C1QTNF7: variants seen among roughly 807,000 people sequenced by gnomAD.
C1QTNF7 encodes the protein complement C1q tumor necrosis factor-related protein 7.
Under a neutral mutation model 19.6 loss-of-function variants are expected in C1QTNF7, and 15 were observed. The observed-to-expected ratio is 0.76, with a 90% CI of 0.51 to 1.18. The LOEUF (loss-of-function observed/expected upper bound fraction) is 1.18. Ranked by LOEUF, C1QTNF7 falls within the 50% of genes most tolerant of loss-of-function variation. C1QTNF7 has a pLI of 0.00. For synonymous variants in C1QTNF7, 142 were observed against 137.5 expected, an observed-to-expected ratio of 1.03 and a Z score of -0.23; for missense variants, 324 against 359.7, an observed-to-expected ratio of 0.90 and a Z score of 0.80.
chr4:15,420,977 T>C lies in C1QTNF7; in HGVS notation c.14-14759T>C, dbSNP rs143881940. On this transcript the variant is annotated intron_variant, in intron 1 of 2. Coordinates refer to the C1QTNF7 transcript ENST00000295297. Reference sequence around the variant, plus strand: ...TGTTTTGGCTGGAAGTGAATATGTATGCAAGAGGCACCACCTGCCGCTAAA... The same window carrying C: ...TGTTTTGGCTGGAAGTGAATATGTACGCAAGAGGCACCACCTGCCGCTAAA... Among the ~76,000 whole-genome samples, 130 of 152,012 alleles carry C rather than the reference T, an allele frequency of 8.6e-4. 1 individual carries two copies. Among genetic ancestry groups the C allele is most frequent in the African/African-American group, 3.0e-3 (125 of 41,450 alleles).
intron 1 of C1QTNF7, among the ~76,000 whole-genome samples, chr4:15,364,768 G>C (rs955685572): frequency 6.6e-6 from 1 of 152,104 alleles, no homozygotes; most frequent in Non-Finnish European, 1.5e-5. Context: ...TCATCCCATT[G>C]CATCAGTGGG....
At chr4:15,359,800 G>A (rs987640916) in intron 1 of C1QTNF7, among the ~76,000 whole-genome samples, 3 of 152,160 alleles carry the variant, frequency 2.0e-5, no homozygotes, top group African/African-American at 7.2e-5. Context: ...CTGATTTCCA[G>A]TTCCAGGAAT....
At chr4:15,378,772 G>T (rs1718037258) in intron 1 of C1QTNF7, among the ~76,000 whole-genome samples, 1 of 152,148 alleles carries the variant, frequency 6.6e-6, no homozygotes, top group Non-Finnish European at 1.5e-5. Flanking sequence ...TATTAGCCAA[G>T]AACTAATAGA....
chr4:15,430,193 G>A (rs13129124), intron 1 of C1QTNF7, among the ~76,000 whole-genome samples: 39,396 of 152,120 alleles, frequency 0.26, 6,126 homozygotes, highest in East Asian at 0.37. Flanking sequence ...TTTTAAATGT[G>A]TTTTAAAAAC....
chr4:15,392,606 CT>C (rs1718609054), intron 1 of C1QTNF7, among the ~76,000 whole-genome samples: 1 of 152,222 alleles, frequency 6.6e-6, no homozygotes, highest in Non-Finnish European at 1.5e-5. Flanking sequence ...CCTCACTTCT[CT>C]TTGCGTGGAA....
At chr4:15,381,469 A>G (rs1419860015) in intron 1 of C1QTNF7, among the ~76,000 whole-genome samples, 1 of 152,040 alleles carries the variant, frequency 6.6e-6, no homozygotes, top group African/African-American at 2.4e-5. Context: ...TTAAAAAGTG[A>G]AAAGGGGAAG....
chr4:15,340,784 G>A (rs1716510869), intron 1 of C1QTNF7, among the ~76,000 whole-genome samples: 1 of 152,060 alleles, frequency 6.6e-6, no homozygotes, highest in Non-Finnish European at 1.5e-5. Context: ...ATATATCCTG[G>A]GAGAAGGAAA....
intron 1 of C1QTNF7, among the ~76,000 whole-genome samples, chr4:15,405,050 T>A (rs953329728): frequency 6.6e-6 from 1 of 152,174 alleles, no homozygotes; most frequent in Non-Finnish European, 1.5e-5. Flanking sequence ...AATGCTTTAG[T>A]TGCATGCAAC....
intron 1 of C1QTNF7, among the ~76,000 whole-genome samples, chr4:15,406,277 G>C (rs1719192533): frequency 6.6e-6 from 1 of 152,176 alleles, no homozygotes; most frequent in Non-Finnish European, 1.5e-5. Flanking sequence ...TCTGTTGAAT[G>C]AGTGAGAGTA....
intron 1 of C1QTNF7, among the ~76,000 whole-genome samples, chr4:15,367,897 T>A (rs528641752): frequency 1.3e-5 from 2 of 152,316 alleles, no homozygotes; most frequent in South Asian, 2.1e-4. Flanking sequence ...ATAATTTACA[T>A]ACAGTAAAAG....
Position 15,414,831 on chromosome 4 carries a change from T to G in C1QTNF7, c.14-20905T>G, listed in dbSNP as rs138374586. On this transcript the variant is annotated intron_variant, in intron 1 of 2. Coordinates refer to the C1QTNF7 transcript ENST00000295297. ...AATGTTTTCATGAACTCACAAAATG[T>G]GTTAGTCATAGCCATCATAGAGTTC... is the stretch of plus-strand genomic sequence containing the variant. Among the ~76,000 whole-genome samples, 6 of 152,260 alleles carry G rather than the reference T, an allele frequency of 3.9e-5. No homozygotes were observed. The East Asian group carries it at 1.2e-3, about 29-fold the overall frequency.
intron 1 of C1QTNF7, among the ~76,000 whole-genome samples, chr4:15,359,835 T>G (rs891341403): frequency 6.6e-6 from 1 of 152,288 alleles, no homozygotes; most frequent in Admixed American, 6.5e-5. Context: ...CTCCTTTCCC[T>G]TCTGAAGCAT....
At chr4:15,348,022 C>T (rs1443192070) in intron 1 of C1QTNF7, among the ~76,000 whole-genome samples, 1 of 152,100 alleles carries the variant, frequency 6.6e-6, no homozygotes, top group Non-Finnish European at 1.5e-5. Context: ...TATATATCTG[C>T]TCCACTGGAC....
intron 1 of C1QTNF7, among the ~76,000 whole-genome samples, chr4:15,385,485 G>C (rs1279860853): frequency 6.6e-6 from 1 of 152,212 alleles, no homozygotes; most frequent in Non-Finnish European, 1.5e-5. Context: ...ACTGTGCTTG[G>C]TTTGTTTCAG....
At chr4:15,422,515 T>C (rs1464115332) in intron 1 of C1QTNF7, among the ~76,000 whole-genome samples, 2 of 152,208 alleles carry the variant, frequency 1.3e-5, no homozygotes, top group African/African-American at 4.8e-5. Context: ...TTATTTCCTG[T>C]CCATTCAATG....
chr4:15,441,324 A>G (rs1712748769), intron 2 of C1QTNF7, among the ~76,000 whole-genome samples: 1 of 152,264 alleles, frequency 6.6e-6, no homozygotes, highest in Non-Finnish European at 1.5e-5. Context: ...GAGTTCATAA[A>G]GTCACTGTGA....
chr4:15,401,157 G>A (rs923743397), intron 1 of C1QTNF7, among the ~76,000 whole-genome samples: 1 of 152,154 alleles, frequency 6.6e-6, no homozygotes, highest in Non-Finnish European at 1.5e-5. Context: ...AGGGGGAAGG[G>A]AGTGGCAAAT....
chr4:15,348,853 G>A (rs953034347), intron 1 of C1QTNF7, among the ~76,000 whole-genome samples: 1 of 152,174 alleles, frequency 6.6e-6, no homozygotes, highest in Non-Finnish European at 1.5e-5. Context: ...AACCTCAAGA[G>A]TCTTTGTCAT....
rs376919397 is a variant in C1QTNF7, at chr4:15,442,118, G to A, written c.239-50G>A. On this transcript the variant is annotated intron_variant, in intron 2 of 2. Transcript: ENST00000444304. ...GGGACCATGTAGGTATATTGTTTGT[G>A]ATTATATCTTTTGAGGAACTATTAA... 65 of 1,532,968 alleles carry A rather than the reference G, an allele frequency of 4.2e-5. 1 individual carries two copies. In the East Asian group the frequency reaches 4.5e-4, roughly 11 times the overall value. The allele number at this position is 1,532,968 out of a possible 1,614,324, so 95.0% of individuals were successfully genotyped here.
Sources: gnomAD v4.1 joint callset for allele counts (sites outside exome capture counted in the v4.1 genomes callset) on GRCh38, gnomAD v4.1.1 for gene constraint, MANE v1.5 for transcripts, NCBI Gene and HGNC (gene_info 2026-07-23, HGNC 2026-07-21) for gene names.